The following WWOX variants were observed in gnomAD, a reference collection of about 807,000 sequenced individuals.
The protein encoded by WWOX is WW domain containing oxidoreductase, also known as WW domain-containing oxidoreductase.
A neutral mutation model predicts 46.2 loss-of-function variants in WWOX; 69 were observed. The observed-to-expected ratio is 1.49, with a 90% confidence interval of 1.23 to 1.82. WWOX has a LOEUF of 1.82. Ranked by LOEUF, WWOX falls within the 40% of genes most tolerant of loss-of-function variation. The probability of loss-of-function intolerance (pLI) is 0.00; values close to 1 mark genes in which losing one functional copy is unlikely to be tolerated. For missense variants in WWOX, 919 were observed against 542.6 expected (o/e 1.69, Z -6.89); for synonymous variants, 359 against 202.6 (o/e 1.77, Z -6.56).
chr16:79,133,999 T>C (rs147489512), intron 8 of WWOX, among the ~76,000 whole-genome samples: 5 of 152,270 alleles, frequency 3.3e-5, no homozygotes, highest in Non-Finnish European at 5.9e-5. Context: ...CAGGATCTCA[T>C]GCTGGACTAT....
chr16:79,027,480 A>C (rs2047669126), intron 8 of WWOX, among the ~76,000 whole-genome samples: 1 of 151,690 alleles, frequency 6.6e-6, no homozygotes, highest in African/African-American at 2.4e-5. Context: ...AAGAGCCTCC[A>C]ACTGAATAAG....
At chr16:78,810,775 T>A (rs554618040) in intron 8 of WWOX, among the ~76,000 whole-genome samples, 1 of 152,194 alleles carries the variant, frequency 6.6e-6, no homozygotes, top group African/African-American at 2.4e-5. Flanking sequence ...GACTTTCTTT[T>A]TGGAGACAAA....
At chr16:78,327,071 G>A (rs2151888746) in intron 5 of WWOX, among the ~76,000 whole-genome samples, 1 of 152,252 alleles carries the variant, frequency 6.6e-6, no homozygotes, top group Admixed American at 6.5e-5. Flanking sequence ...CCCCCCAGGA[G>A]CATCCATGCA....
intron 8 of WWOX, among the ~76,000 whole-genome samples, chr16:78,955,685 C>G (rs957612029): frequency 2.6e-5 from 4 of 151,230 alleles, no homozygotes; most frequent in Admixed American, 6.6e-5. Flanking sequence ...GGGTCTTGCT[C>G]TATTGCCCAG....
intron 8 of WWOX, among the ~76,000 whole-genome samples, chr16:78,749,790 T>C (rs1313810743): frequency 6.6e-6 from 1 of 152,230 alleles, no homozygotes; most frequent in Non-Finnish European, 1.5e-5. Context: ...GCAACTGTAC[T>C]TCCTATATTT....
intron 8 of WWOX, among the ~76,000 whole-genome samples, chr16:79,207,962 G>C (rs776789005): frequency 3.3e-5 from 5 of 152,080 alleles, no homozygotes; most frequent in Non-Finnish European, 7.4e-5. Context: ...ACCGAGTTTT[G>C]GAAGGATGGA....
chr16:78,575,755 C>A (rs939426254), intron 8 of WWOX, among the ~76,000 whole-genome samples: 1 of 152,132 alleles, frequency 6.6e-6, no homozygotes, highest in African/African-American at 2.4e-5. Flanking sequence ...TAAATCACAA[C>A]TCTATTTACT....
At chr16:78,945,715 C>G (rs912128057) in intron 8 of WWOX, among the ~76,000 whole-genome samples, 2 of 151,780 alleles carry the variant, frequency 1.3e-5, no homozygotes, top group African/African-American at 2.4e-5. Flanking sequence ...CCTGCATTGT[C>G]TTGCTTCATT....
intron 4 of WWOX, among the ~76,000 whole-genome samples, chr16:78,154,306 G>T (rs1012173391): frequency 3.9e-5 from 6 of 152,100 alleles, no homozygotes; most frequent in Admixed American, 1.3e-4. Flanking sequence ...ACCACTGGAG[G>T]TACTGTAAAT....
chr16:79,165,420 C>G (rs1197618355), intron 8 of WWOX, among the ~76,000 whole-genome samples: 1 of 152,156 alleles, frequency 6.6e-6, no homozygotes, highest in African/African-American at 2.4e-5. Flanking sequence ...GCTAAATTTC[C>G]CACTGCAGCC....
At chr16:78,974,324 C>T (rs1343161285) in intron 8 of WWOX, among the ~76,000 whole-genome samples, 1 of 152,148 alleles carries the variant, frequency 6.6e-6, no homozygotes, top group Admixed American at 6.5e-5. Context: ...GATAATAAAG[C>T]AGGGGAATTT....
intron 8 of WWOX, among the ~76,000 whole-genome samples, chr16:79,078,492 C>G (rs925618975): frequency 8.5e-5 from 13 of 152,172 alleles, no homozygotes; most frequent in Admixed American, 6.6e-5. Flanking sequence ...CAACATTTCT[C>G]TCTGTAGGTG....
Position 78,864,910 on chromosome 16 carries a change from G to C in WWOX, c.1057-346698G>C, listed in dbSNP as rs2043970686. ...CCCGAGTAGCTGGGACCACAGGCGT[G>C]CACCACCACACCTGGCTAATTTTTG... On this transcript the variant is annotated intron_variant, in intron 8 of 8. Coordinates refer to ENST00000566780, the MANE Select transcript of WWOX (RefSeq NM_016373.4). 5.3e-5 allele frequency among the ~76,000 whole-genome samples: 8 copies of C among 151,634 alleles called. No individual in the cohort carries two copies. In the South Asian group the frequency reaches 1.7e-3, roughly 32 times the overall value.
intron 8 of WWOX, among the ~76,000 whole-genome samples, chr16:78,822,472 A>G (rs551555886): frequency 2.3e-5 from 2 of 85,674 alleles, no homozygotes; most frequent in African/African-American, 9.1e-5. Flanking sequence ...CCAGCCTGAG[A>G]GACAGAGCCG....
chr16:78,362,927 A>T (rs1464586007), intron 5 of WWOX, among the ~76,000 whole-genome samples: 1 of 152,162 alleles, frequency 6.6e-6, no homozygotes, highest in African/African-American at 2.4e-5. Context: ...TCCTGCTCAG[A>T]TGGTTGCATG....
chr16:78,879,502 CAAAA>C (rs61148764), intron 8 of WWOX, among the ~76,000 whole-genome samples: 1 of 141,014 alleles, frequency 7.1e-6, no homozygotes, highest in Admixed American at 7.1e-5. Context: ...AGTCCACTCT[CAAAA>C]AAAAAAAAAA....
At chr16:78,835,815 C>A (rs2051964772) in intron 8 of WWOX, among the ~76,000 whole-genome samples, 1 of 152,190 alleles carries the variant, frequency 6.6e-6, no homozygotes, top group Non-Finnish European at 1.5e-5. Flanking sequence ...ATGTCTTCAA[C>A]TTCTTTTGGT....
intron 8 of WWOX, among the ~76,000 whole-genome samples, chr16:78,512,417 T>C (rs2085383500): frequency 6.6e-6 from 1 of 152,178 alleles, no homozygotes; most frequent in South Asian, 2.1e-4. Flanking sequence ...GAGTTTTGAG[T>C]GTTTCTGATT....
intron 8 of WWOX, among the ~76,000 whole-genome samples, chr16:79,207,121 A>G (rs1442636628): frequency 6.6e-6 from 1 of 152,120 alleles, no homozygotes; most frequent in Admixed American, 6.5e-5. Flanking sequence ...ACGGCCATCT[A>G]TTCCACCTGT....
Sources: allele counts gnomAD v4.1 joint callset (sites outside exome capture counted in the v4.1 genomes callset), GRCh38; gene constraint gnomAD v4.1.1; transcripts MANE v1.5; gene names NCBI Gene and HGNC (gene_info 2026-07-23, HGNC 2026-07-21).